The following PPP2R3A variants were observed in gnomAD, a reference collection of about 807,000 sequenced individuals.
PPP2R3A encodes the protein serine/threonine-protein phosphatase 2A regulatory subunit B'' subunit alpha.
In PPP2R3A, 80 loss-of-function variants were observed where a neutral mutation model predicts 106.9. That is an observed-to-expected ratio of 0.75 (90% confidence interval 0.62 to 0.90). The LOEUF (loss-of-function observed/expected upper bound fraction) is 0.90, where lower values mean the gene tolerates loss of function less well. Ranked by LOEUF, PPP2R3A falls within the 40% of genes least tolerant of loss-of-function variation. The probability of loss-of-function intolerance (pLI) is 0.00; values close to 1 mark genes in which losing one functional copy is unlikely to be tolerated. For missense variants in PPP2R3A, 1,386 were observed against 1,350.4 expected, an observed-to-expected ratio of 1.03 and a Z score of -0.41; for synonymous variants, 483 against 468.3, an observed-to-expected ratio of 1.03 and a Z score of -0.41.
intron 13 of PPP2R3A, among the ~76,000 whole-genome samples, chr3:136,121,369 G>T (rs1937989876): frequency 6.6e-6 from 1 of 152,128 alleles, no homozygotes; most frequent in Admixed American, 6.6e-5. Context: ...ACTTATAGGT[G>T]GGAGCTAAAC....
intron 1 of PPP2R3A, among the ~76,000 whole-genome samples, chr3:135,971,452 A>T (rs573769483): frequency 6.6e-6 from 1 of 152,328 alleles, no homozygotes; most frequent in East Asian, 1.9e-4. Flanking sequence ...TTTAAGGTCA[A>T]TTTTGTGCTT....
chr3:136,101,220 G>A (rs1374776900), intron 10 of PPP2R3A, among the ~76,000 whole-genome samples: 1 of 152,122 alleles, frequency 6.6e-6, no homozygotes, highest in Non-Finnish European at 1.5e-5. Context: ...GGCAGAATTT[G>A]GGGGTTGAAT....
intron 6 of PPP2R3A, among the ~76,000 whole-genome samples, chr3:136,075,646 G>A (rs879582476): frequency 3.9e-5 from 6 of 152,192 alleles, no homozygotes; most frequent in South Asian, 2.1e-4. Context: ...AAATAAGCAC[G>A]AATGGATACA....
rs149129387 is a variant in PPP2R3A, at chr3:136,144,332, C to T, written c.3330-711C>T. ...ATCTTTTTGTGTTGCTTGGAAGCCA[C>T]GGAGGGAAGCTATAAAGCAATCTGA... is the stretch of plus-strand genomic sequence containing the variant. On this transcript the variant is annotated intron_variant, in intron 13 of 13. Coordinates refer to ENST00000264977, the MANE Select transcript of PPP2R3A (RefSeq NM_002718.5). Among the ~76,000 whole-genome samples, 292 of 152,230 alleles carry T rather than the reference C, an allele frequency of 1.9e-3. 1 individual carries two copies. Among genetic ancestry groups the T allele is most frequent in the African/African-American group, 6.6e-3 (273 of 41,542 alleles).
chr3:136,126,276 G>A (rs140667592), intron 13 of PPP2R3A, among the ~76,000 whole-genome samples: 2 of 152,334 alleles, frequency 1.3e-5, no homozygotes, highest in South Asian at 2.1e-4. Flanking sequence ...TAAATACTGC[G>A]CTTTGCTCAA....
chr3:136,022,939 C>G, intron 2 of PPP2R3A: 2 of 1,496,344 alleles, frequency 1.3e-6, no homozygotes, highest in Non-Finnish European at 1.8e-6. Context: ...GAGCACAATG[C>G]TTGAATTTCA....
chr3:136,007,203 A>G (rs1933877714), intron 2 of PPP2R3A, among the ~76,000 whole-genome samples: 1 of 152,244 alleles, frequency 6.6e-6, no homozygotes, highest in Admixed American at 6.5e-5. Flanking sequence ...TTAAGTTTCC[A>G]CATCTGGGCT....
intron 5 of PPP2R3A, among the ~76,000 whole-genome samples, chr3:136,060,761 G>A (rs60737061): frequency 0.023 from 3,554 of 152,152 alleles, 154 homozygotes; most frequent in African/African-American, 0.079. Flanking sequence ...AAAGCTGGGA[G>A]GATGTCAATC....
At chr3:136,039,934 G>C (rs1186664379) in intron 3 of PPP2R3A, among the ~76,000 whole-genome samples, 2 of 151,938 alleles carry the variant, frequency 1.3e-5, no homozygotes, top group Non-Finnish European at 2.9e-5. Context: ...TTCATTTCCA[G>C]TCTTTCCTAA....
intron 3 of PPP2R3A, among the ~76,000 whole-genome samples, chr3:136,034,038 T>A (rs1934999089): frequency 7.1e-6 from 1 of 140,666 alleles, no homozygotes; most frequent in African/African-American, 2.5e-5. Context: ...TTTTTCTTTT[T>A]CTTTTTTTTT....
At chr3:136,044,470 G>T (rs187888277) in intron 4 of PPP2R3A, among the ~76,000 whole-genome samples, 1 of 149,798 alleles carries the variant, frequency 6.7e-6, no homozygotes, top group African/African-American at 2.5e-5. Context: ...TGTAATCCTA[G>T]CTACTTGGGA....
intron 13 of PPP2R3A, among the ~76,000 whole-genome samples, chr3:136,122,860 T>C (rs1938048019): frequency 2.0e-5 from 3 of 152,164 alleles, no homozygotes. Context: ...GGAACATTAG[T>C]TTATCCTTAC....
intron 2 of PPP2R3A, among the ~76,000 whole-genome samples, chr3:136,024,138 T>C (rs1576442028): frequency 6.6e-6 from 1 of 152,032 alleles, no homozygotes; most frequent in East Asian, 1.9e-4. Context: ...AAATGGAGAA[T>C]TGAAGTATTT....
In PPP2R3A at chr3:136,002,387, A is replaced by C. The variant is rs1370326088; in HGVS notation, c.889A>C (p.Met297Leu). The stretch of plus-strand genomic sequence containing the variant: ...TCTGAAAAAGTTACCATTTGAATTC[A>C]TGCAGTCTGGGAATAATGAGGCTCT... ...SYLKKLPFEF[M>L]QSGNNEALDL... The change falls in exon 2 of 14, where the codon ATG becomes CTG. Residue 297 changes from methionine to leucine, a missense_variant. Transcript: ENST00000264977. 3 of 1,614,020 alleles carry C rather than the reference A, an allele frequency of 1.9e-6. No homozygotes were observed. In the South Asian group the frequency reaches 3.3e-5, roughly 18 times the overall value.
chr3:136,109,540 GAC>G (rs775924654), intron 13 of PPP2R3A, among the ~76,000 whole-genome samples: 8 of 152,142 alleles, frequency 5.3e-5, no homozygotes, highest in Non-Finnish European at 1.0e-4. Context: ...ATTACTTGAA[GAC>G]ACAGTAAAGT....
At chr3:136,142,822 C>G (rs1172141852) in intron 13 of PPP2R3A, among the ~76,000 whole-genome samples, 1 of 152,218 alleles carries the variant, frequency 6.6e-6, no homozygotes, top group African/African-American at 2.4e-5. Context: ...TAGACCTACA[C>G]TGAGGTATTT....
intron 3 of PPP2R3A, 125 bp downstream of exon 3, chr3:136,027,223 G>T: frequency 1.2e-6 from 1 of 867,932 alleles, no homozygotes; most frequent in Non-Finnish European, 1.7e-6. Flanking sequence ...AAGCATGCAT[G>T]GAATTGTTGT....
chr3:136,137,011 C>G (rs1447374253), intron 13 of PPP2R3A, among the ~76,000 whole-genome samples: 1 of 152,136 alleles, frequency 6.6e-6, no homozygotes, highest in Non-Finnish European at 1.5e-5. Context: ...AAACTCAACC[C>G]TCGTAAGAGA....
intron 13 of PPP2R3A, among the ~76,000 whole-genome samples, chr3:136,142,224 G>A (rs1938903969): frequency 6.6e-6 from 1 of 152,112 alleles, no homozygotes; most frequent in Non-Finnish European, 1.5e-5. Context: ...GTTCTAAGAT[G>A]GGTAATTTTA....
Sources: allele counts gnomAD v4.1 joint callset (sites outside exome capture counted in the v4.1 genomes callset), GRCh38; gene constraint gnomAD v4.1.1; transcripts MANE v1.5; gene names NCBI Gene and HGNC (gene_info 2026-07-23, HGNC 2026-07-21).